MALRD1: variants seen among roughly 807,000 people sequenced by gnomAD.
The protein encoded by MALRD1 is MAM and LDL-receptor class A domain-containing protein 1.
In MALRD1, 247 loss-of-function variants were observed where a neutral mutation model predicts 242.1. The observed-to-expected ratio is 1.02, with a 90% CI of 0.92 to 1.13. MALRD1 has a LOEUF of 1.13. Among genes scored for constraint, MALRD1 ranks in the 50% most tolerant of loss-of-function variants. The probability of loss-of-function intolerance (pLI) is 0.00; values close to 1 mark genes in which losing one functional copy is unlikely to be tolerated. For synonymous variants in MALRD1, 995 were observed against 866.6 expected, an observed-to-expected ratio of 1.15 and a Z score of -2.60; for missense variants, 2,989 against 2,533.1, an observed-to-expected ratio of 1.18 and a Z score of -3.86.
intron 21 of MALRD1, among the ~76,000 whole-genome samples, chr10:19,297,078 T>G (rs1254032227): frequency 6.6e-6 from 1 of 150,638 alleles, no homozygotes; most frequent in East Asian, 1.9e-4. Context: ...CTCTTGGTAT[T>G]ATCTTTATTT....
rs1163629103 is a variant in MALRD1, at chr10:19,347,942, GT to G, written c.4076del (p.Leu1359CysfsTer7). On this transcript the variant is annotated frameshift_variant, in exon 25 of 40. Coordinates refer to ENST00000454679, the MANE Select transcript of MALRD1 (RefSeq NM_001142308.3). LOFTEE classifies it high-confidence loss of function. ...NSSGHYIFIKSLFPQQPMRAA... is the reference protein window; with the variant it reads ...NSSGHYIFIKXLFPQQPMRAA... ...TCTGGTCATTACATCTTTATAAAGA[GT>G]TTGTTTCCTCAGCAGCCCATGAGAG... is the stretch of plus-strand genomic sequence containing the variant. 2 of 1,550,334 alleles carry G rather than the reference GT, an allele frequency of 1.3e-6. No individual in the cohort carries two copies. The highest frequency in any genetic ancestry group is 2.0e-5 in the Admixed American group (1 of 50,988).
rs80228585 is a variant in MALRD1, at chr10:19,421,351, A to G, written c.4846-28956A>G. On this transcript the variant is annotated intron_variant, in intron 28 of 39. Transcript: ENST00000454679. The stretch of plus-strand genomic sequence containing the variant: ...TCTGATTCTAAGCACTGACATTCCA[A>G]TGCTAGCTTTGGAGATGAATGGAGA... 8.7e-3 allele frequency among the ~76,000 whole-genome samples: 1,323 copies of G among 152,290 alleles called. 24 individuals are homozygous for G. The highest frequency in any genetic ancestry group is 0.03 in the African/African-American group (1,266 of 41,554).
intron 3 of MALRD1, 27 bp downstream of exon 3, chr10:19,087,961 A>G (rs555924752): frequency 8.1e-7 from 1 of 1,232,580 alleles, no homozygotes; most frequent in East Asian, 3.2e-5. Flanking sequence ...AGCATTTTAA[A>G]TATTTTGTCA....
At chr10:19,690,321 G>A (rs1008813361) in intron 36 of MALRD1, among the ~76,000 whole-genome samples, 5 of 151,984 alleles carry the variant, frequency 3.3e-5, no homozygotes, top group African/African-American at 1.2e-4. Flanking sequence ...TAGCATAACT[G>A]CTCTGTGGAA....
intron 32 of MALRD1, among the ~76,000 whole-genome samples, chr10:19,541,637 C>A (rs1834976810): frequency 1.3e-5 from 2 of 152,062 alleles, no homozygotes; most frequent in African/African-American, 4.8e-5. Flanking sequence ...TACTGAATAA[C>A]AGAAAAAGGC....
At chr10:19,306,306 A>G (rs531435624) in intron 21 of MALRD1, among the ~76,000 whole-genome samples, 18 of 140,276 alleles carry the variant, frequency 1.3e-4, no homozygotes, top group African/African-American at 4.4e-4. Context: ...AGTGTCGTAT[A>G]TATACCGTAT....
At chr10:19,460,575 T>C (rs1280458369) in intron 29 of MALRD1, among the ~76,000 whole-genome samples, 2 of 152,134 alleles carry the variant, frequency 1.3e-5, no homozygotes, top group Non-Finnish European at 2.9e-5. Context: ...GGTAATCTAG[T>C]TACCCAGCAC....
rs191013317 is a variant in MALRD1 at position 19,211,781 on chromosome 10, A to T, written c.2991+2101A>T. On this transcript the variant is annotated intron_variant, in intron 18 of 39. Transcript: ENST00000454679. Reference sequence around the variant, plus strand: ...TATTTTTTTCTCCATTAAATGATGGATGGACATAGTTTCTGTTCTACTGAG... The same window carrying T: ...TATTTTTTTCTCCATTAAATGATGGTTGGACATAGTTTCTGTTCTACTGAG... 1.4e-4 allele frequency among the ~76,000 whole-genome samples: 21 copies of T among 150,204 alleles called. No homozygotes were observed. In the East Asian group the frequency reaches 4.0e-3, roughly 29 times the overall value.
intron 14 of MALRD1, among the ~76,000 whole-genome samples, chr10:19,202,027 G>T (rs564448944): frequency 6.6e-6 from 1 of 152,024 alleles, no homozygotes; most frequent in Non-Finnish European, 1.5e-5. Context: ...TATTGGCCAG[G>T]ATGGTCTCGA....
At chr10:19,268,280 C>G (rs1317146841) in intron 19 of MALRD1, among the ~76,000 whole-genome samples, 2 of 151,748 alleles carry the variant, frequency 1.3e-5, no homozygotes, top group Non-Finnish European at 2.9e-5. Context: ...TTGTGGCAAA[C>G]AGCTATAACA....
At chr10:19,499,602 C>A (rs1837880440) in intron 31 of MALRD1, among the ~76,000 whole-genome samples, 1 of 152,136 alleles carries the variant, frequency 6.6e-6, no homozygotes, top group South Asian at 2.1e-4. Context: ...TGAGCCAATT[C>A]CTTATAATAA....
At chr10:19,078,061 AT>A (rs1459399377) in intron 2 of MALRD1, among the ~76,000 whole-genome samples, 1 of 151,942 alleles carries the variant, frequency 6.6e-6, no homozygotes, top group Non-Finnish European at 1.5e-5. Context: ...AGCAAAAAAA[AT>A]GGTGCATAGT....
chr10:19,394,009 A>G (rs189239967), intron 28 of MALRD1, among the ~76,000 whole-genome samples: 1 of 152,284 alleles, frequency 6.6e-6, no homozygotes, highest in Non-Finnish European at 1.5e-5. Flanking sequence ...TGATGTTTTA[A>G]TCAAGATTAC....
intron 21 of MALRD1, among the ~76,000 whole-genome samples, chr10:19,302,829 A>T (rs1267408162): frequency 7.2e-5 from 11 of 151,796 alleles, no homozygotes; most frequent in Non-Finnish European, 1.0e-4. Flanking sequence ...GTGAGGGATG[A>T]ATTTTTTAAA....
chr10:19,611,410 T>A (rs993709726), intron 35 of MALRD1, among the ~76,000 whole-genome samples: 12 of 152,154 alleles, frequency 7.9e-5, no homozygotes, highest in African/African-American at 2.2e-4. Flanking sequence ...ACTATTGTTT[T>A]TATATGCATG....
chr10:19,291,335 A>G (rs1841412358), intron 21 of MALRD1: 1 of 152,182 alleles, frequency 6.6e-6, no homozygotes, highest in African/African-American at 2.4e-5. Context: ...AAATTTATAT[A>G]TAAATTTGCT....
At chr10:19,445,497 T>A (rs971073577) in intron 28 of MALRD1, among the ~76,000 whole-genome samples, 1 of 152,234 alleles carries the variant, frequency 6.6e-6, no homozygotes, top group Non-Finnish European at 1.5e-5. Context: ...GGTTTTGGTG[T>A]GGATGTCCTT....
At chr10:19,632,337 T>C (rs967523248) in intron 36 of MALRD1, among the ~76,000 whole-genome samples, 2 of 152,100 alleles carry the variant, frequency 1.3e-5, no homozygotes, top group Non-Finnish European at 2.9e-5. Flanking sequence ...AGTTGCTATC[T>C]TCCGTAGGCC....
chr10:19,068,026 T>A (rs900065704), intron 2 of MALRD1, among the ~76,000 whole-genome samples: 3 of 152,102 alleles, frequency 2.0e-5, no homozygotes, highest in Non-Finnish European at 4.4e-5. Flanking sequence ...TAGGAAACTT[T>A]TATTACAGAT....
Sources: allele counts gnomAD v4.1 joint callset (sites outside exome capture counted in the v4.1 genomes callset), GRCh38; gene constraint gnomAD v4.1.1; transcripts MANE v1.5; gene names NCBI Gene and HGNC (gene_info 2026-07-23, HGNC 2026-07-21).